SKAP1: variants seen among roughly 807,000 people sequenced by gnomAD.
The protein encoded by SKAP1 is src kinase associated phosphoprotein 1.
In SKAP1, 44 loss-of-function variants were observed where a neutral mutation model predicts 58.5. The observed-to-expected ratio is 0.75, with a 90% CI of 0.59 to 0.97. The LOEUF is 0.97. SKAP1 is among the 50% of genes least tolerant of loss of function. The pLI is 0.00. For missense variants in SKAP1, 390 were observed against 435.2 expected, an observed-to-expected ratio of 0.90 and a Z score of 0.92; for synonymous variants, 127 against 149.7, an observed-to-expected ratio of 0.85 and a Z score of 1.11.
intron 4 of SKAP1, among the ~76,000 whole-genome samples, chr17:48,277,809 C>A (rs1049480942): frequency 2.0e-5 from 3 of 152,110 alleles, no homozygotes; most frequent in Non-Finnish European, 4.4e-5. Context: ...CCAGGCTGGT[C>A]TTGAATTCCT....
chr17:48,334,438 G>A (rs1030834269), intron 4 of SKAP1, among the ~76,000 whole-genome samples: 4 of 151,852 alleles, frequency 2.6e-5, no homozygotes, highest in Admixed American at 6.5e-5. Flanking sequence ...ACAACTTTTT[G>A]GTGACCAAAG....
At chr17:48,206,455 A>G (rs1185750844) in intron 4 of SKAP1, among the ~76,000 whole-genome samples, 1 of 151,966 alleles carries the variant, frequency 6.6e-6, no homozygotes, top group Non-Finnish European at 1.5e-5. Context: ...ACCCCTTGGT[A>G]TAAAAAATAA....
At chr17:48,442,100 A>G in the SKAP1 span, among the ~76,000 whole-genome samples, 2 of 152,048 alleles carry the variant, frequency 1.3e-5, no homozygotes, top group Admixed American at 6.6e-5. Flanking sequence ...TTAGTGTTTT[A>G]AGGAGGAGGA....
At chr17:48,352,587 CT>C (rs2066815964) in intron 3 of SKAP1, among the ~76,000 whole-genome samples, 1 of 152,060 alleles carries the variant, frequency 6.6e-6, no homozygotes, top group Non-Finnish European at 1.5e-5. Context: ...TTTTCAGTAT[CT>C]TTTGACATAT....
At chr17:48,310,349 T>C (rs2066207062) in intron 4 of SKAP1, among the ~76,000 whole-genome samples, 1 of 152,188 alleles carries the variant, frequency 6.6e-6, no homozygotes, top group African/African-American at 2.4e-5. Flanking sequence ...TCAGAGACAC[T>C]GGTTTGTTGT....
chr17:48,291,413 T>C (rs2065895191), intron 4 of SKAP1, among the ~76,000 whole-genome samples: 1 of 152,214 alleles, frequency 6.6e-6, no homozygotes, highest in African/African-American at 2.4e-5. Flanking sequence ...GCTTCATCTA[T>C]TCTCTTGCTG....
chr17:48,165,835 G>A (rs2143317263), intron 10 of SKAP1, among the ~76,000 whole-genome samples: 1 of 152,254 alleles, frequency 6.6e-6, no homozygotes, highest in Admixed American at 6.5e-5. Flanking sequence ...GCAGCATTCT[G>A]ACCATTTAAT....
intron 11 of SKAP1, among the ~76,000 whole-genome samples, chr17:48,149,016 C>T (rs1391996103): frequency 6.6e-6 from 1 of 152,142 alleles, no homozygotes; most frequent in Non-Finnish European, 1.5e-5. Flanking sequence ...AGAAAGCACA[C>T]ATAGGGTATG....
chr17:48,158,837 G>A (rs2143251520), intron 11 of SKAP1, among the ~76,000 whole-genome samples: 1 of 151,844 alleles, frequency 6.6e-6, no homozygotes, highest in Admixed American at 6.6e-5. Context: ...GCGGGCGCCT[G>A]TAGTCCCAGC....
chr17:48,336,498 CTT>C (rs1260416941), intron 4 of SKAP1, among the ~76,000 whole-genome samples: 2 of 152,026 alleles, frequency 1.3e-5, no homozygotes, highest in Non-Finnish European at 2.9e-5. Context: ...AATGTTCAGT[CTT>C]TAATACTTTC....
intron 4 of SKAP1, among the ~76,000 whole-genome samples, chr17:48,239,599 C>T (rs2065221121): frequency 6.6e-6 from 1 of 152,190 alleles, no homozygotes; most frequent in East Asian, 1.9e-4. Context: ...CTTTCTTTTG[C>T]AGTTACTATA....
chr17:48,220,296 A>C (rs968411451), intron 4 of SKAP1, among the ~76,000 whole-genome samples: 1 of 152,238 alleles, frequency 6.6e-6, no homozygotes, highest in African/African-American at 2.4e-5. Context: ...GCAGAAAAAA[A>C]CCATACGTTT....
At position 48,236,661 on chromosome 17, in the gene SKAP1, C is replaced by T. The variant is rs537928126; in HGVS notation, c.281-47161G>A. On this transcript the variant is annotated intron_variant, in intron 4 of 12. Coordinates refer to ENST00000336915, the MANE Select transcript of SKAP1 (RefSeq NM_003726.4). ...ACGAATAGGATGTTAACTGAGACTGCGAAGTTTGAGCTAAATCTTGAAGGA... is the reference window on the plus strand; with the variant it reads ...ACGAATAGGATGTTAACTGAGACTGTGAAGTTTGAGCTAAATCTTGAAGGA... Among the ~76,000 whole-genome samples, 12 of 152,180 alleles carry T rather than the reference C, an allele frequency of 7.9e-5. No homozygotes were observed. The South Asian group carries it at 2.3e-3, about 29-fold the overall frequency.
chr17:48,400,808 C>A (rs150708788), intron 1 of SKAP1, among the ~76,000 whole-genome samples: 1 of 151,898 alleles, frequency 6.6e-6, no homozygotes, highest in Admixed American at 6.6e-5. Flanking sequence ...AAGAATTAAG[C>A]ACTTACGAAT....
chr17:48,401,123 C>G (rs1021890529), intron 1 of SKAP1, among the ~76,000 whole-genome samples: 1 of 151,962 alleles, frequency 6.6e-6, no homozygotes, highest in Non-Finnish European at 1.5e-5. Flanking sequence ...CTGGTCAACA[C>G]GGAGAAACCC....
chr17:48,367,469 A>G (rs928624035), intron 2 of SKAP1, among the ~76,000 whole-genome samples: 1 of 147,916 alleles, frequency 6.8e-6, no homozygotes, highest in East Asian at 2.0e-4. Context: ...AAGGTGATGA[A>G]TGTATTAATT....
At chr17:48,326,705 C>T (rs1176414031) in intron 4 of SKAP1, among the ~76,000 whole-genome samples, 2 of 152,070 alleles carry the variant, frequency 1.3e-5, no homozygotes, top group Non-Finnish European at 2.9e-5. Flanking sequence ...ATCTAATAAT[C>T]CCCCCACTGG....
At chr17:48,169,545 C>T (rs1208996937) in intron 10 of SKAP1, among the ~76,000 whole-genome samples, 1 of 152,192 alleles carries the variant, frequency 6.6e-6, no homozygotes, top group Non-Finnish European at 1.5e-5. Context: ...GCATCACACC[C>T]GCCTCCACTG....
intron 2 of SKAP1, among the ~76,000 whole-genome samples, chr17:48,391,305 T>C (rs1379724028): frequency 6.6e-6 from 1 of 152,142 alleles, no homozygotes; most frequent in Non-Finnish European, 1.5e-5. Context: ...TATGATAAAA[T>C]TATAAGGAGA....
Sources: allele counts gnomAD v4.1 joint callset (sites outside exome capture counted in the v4.1 genomes callset), GRCh38; gene constraint gnomAD v4.1.1; transcripts MANE v1.5; gene names NCBI Gene and HGNC (gene_info 2026-07-23, HGNC 2026-07-21).